Variants in ZNF69 observed in about 807,000 individuals in gnomAD.
ZNF69 encodes the protein ZNF3.
Under a neutral mutation model 50.9 loss-of-function variants are expected in ZNF69, and 47 were observed. That is an observed-to-expected ratio of 0.92 (90% CI 0.73 to 1.18). The LOEUF (loss-of-function observed/expected upper bound fraction) is 1.18. ZNF69 is among the 50% of genes most tolerant of loss of function. ZNF69 has a pLI of 0.00. For missense variants in ZNF69, 717 were observed against 675.1 expected, an observed-to-expected ratio of 1.06 and a Z score of -0.69; for synonymous variants, 216 against 223.1, an observed-to-expected ratio of 0.97 and a Z score of 0.29.
chr19:11,967,956 T>C, the ZNF69 span, among the ~76,000 whole-genome samples: 1 of 152,190 alleles, frequency 6.6e-6, no homozygotes, highest in African/African-American at 2.4e-5. Context: ...AAAACATAAC[T>C]ATAATTATCT....
chr19:11,897,729 G>T (rs958494842), intron 1 of ZNF69, among the ~76,000 whole-genome samples: 8 of 150,768 alleles, frequency 5.3e-5, no homozygotes, highest in Admixed American at 2.6e-4. Flanking sequence ...AAAATTAGCC[G>T]AGCGTGGTGG....
chr19:11,946,956 C>G, the ZNF69 span: 96 of 870,878 alleles, frequency 1.1e-4, no homozygotes, highest in Non-Finnish European at 1.5e-4. Flanking sequence ...CCATTGTACT[C>G]CAGCCTGGGC....
At chr19:11,954,995 A>ATTT in the ZNF69 span, among the ~76,000 whole-genome samples, 8 of 146,178 alleles carry the variant, frequency 5.5e-5, no homozygotes, top group East Asian at 2.0e-4. Context: ...GTTTCAAAAA[A>ATTT]ATTTTTTTTT....
chr19:11,910,501 C>A (rs1972442118), downstream of ZNF69, among the ~76,000 whole-genome samples: 1 of 152,120 alleles, frequency 6.6e-6, no homozygotes. Flanking sequence ...GAATAGAGCC[C>A]TCAGAAATAA....
At chr19:11,891,821 A>G (rs1977095878) in intron 1 of ZNF69, among the ~76,000 whole-genome samples, 1 of 152,032 alleles carries the variant, frequency 6.6e-6, no homozygotes, top group African/African-American at 2.4e-5. Flanking sequence ...ACTGGCAAGG[A>G]GTGTTTCTTG....
At chr19:11,928,105 G>A in the ZNF69 span, among the ~76,000 whole-genome samples, 22 of 151,772 alleles carry the variant, frequency 1.4e-4, no homozygotes, top group African/African-American at 5.1e-4. Context: ...AAGCACCTCC[G>A]CCTCTCAAGT....
chr19:11,905,869 A>T lies in ZNF69; in HGVS notation c.1472A>T (p.Lys491Ile). Residue 491 changes from lysine (K) to isoleucine (I), a missense_variant, in exon 4 of 4, where the codon AAA (lysine) becomes ATA (isoleucine). Lys to Ile is a moderately radical substitution (Grantham distance 102). Coordinates refer to ENST00000429654, the MANE Select transcript of ZNF69 (RefSeq NM_001364730.1). ...TGTGGGAAAGGCTTTTATTGTCCCA[A>T]ATCATTGCAAAGACATGAAAAAACT... ...KLCGKGFYCP[K>I]SLQRHEKTHT... The T allele has an allele frequency of 6.2e-7, 1 of 1,613,726 alleles. No individual in the cohort carries two copies. The highest frequency in any genetic ancestry group is 8.5e-7 in the Non-Finnish European group (1 of 1,179,952).
At chr19:11,968,748 G>A in the ZNF69 span, among the ~76,000 whole-genome samples, 1 of 152,140 alleles carries the variant, frequency 6.6e-6, no homozygotes, top group Admixed American at 6.5e-5. Context: ...GGCCTGGCGG[G>A]ATGGCTCACA....
the ZNF69 span, among the ~76,000 whole-genome samples, chr19:11,942,306 A>G: frequency 8.6e-5 from 13 of 151,928 alleles, no homozygotes; most frequent in South Asian, 2.7e-3. Context: ...CACTTTGGGA[A>G]CAGGCATTTT....
At chr19:11,925,953 G>A in the ZNF69 span, among the ~76,000 whole-genome samples, 1 of 152,194 alleles carries the variant, frequency 6.6e-6, no homozygotes, top group African/African-American at 2.4e-5. Flanking sequence ...TGCCTGAAAG[G>A]TGTAAGTTCC....
At chr19:11,893,305 C>T (rs1977141217) in intron 1 of ZNF69, among the ~76,000 whole-genome samples, 2 of 152,186 alleles carry the variant, frequency 1.3e-5, no homozygotes, top group South Asian at 4.1e-4. Context: ...AGTTCGGTCT[C>T]ATTGTTTTTT....
chr19:11,931,735 T>G, the ZNF69 span, among the ~76,000 whole-genome samples: 3 of 148,784 alleles, frequency 2.0e-5, no homozygotes, highest in African/African-American at 7.8e-5. Context: ...TATTGCATTT[T>G]ATACTGATGT....
the ZNF69 span, among the ~76,000 whole-genome samples, chr19:11,934,837 C>T: frequency 4.1e-5 from 6 of 147,502 alleles, no homozygotes; most frequent in Non-Finnish European, 5.9e-5. Context: ...GTTTTCATTT[C>T]GCTCTTTAAT....
chr19:11,892,808 A>C (rs1057426388), intron 1 of ZNF69, among the ~76,000 whole-genome samples: 11 of 152,120 alleles, frequency 7.2e-5, no homozygotes, highest in Admixed American at 5.9e-4. Context: ...ATAGAGATCC[A>C]CCAGCTTAAA....
downstream of ZNF69, among the ~76,000 whole-genome samples, chr19:11,918,761 G>GTT (rs1008133215): frequency 1.3e-5 from 2 of 148,580 alleles, no homozygotes; most frequent in African/African-American, 2.5e-5. Flanking sequence ...AGCAATTAGG[G>GTT]TTTTTTTTTT....
At chr19:11,945,220 C>T in the ZNF69 span, among the ~76,000 whole-genome samples, 2 of 152,200 alleles carry the variant, frequency 1.3e-5, no homozygotes, top group East Asian at 3.9e-4. Flanking sequence ...AAAAGGTTCC[C>T]AGCACCCCTC....
chr19:11,964,533 C>T, the ZNF69 span, among the ~76,000 whole-genome samples: 1 of 152,302 alleles, frequency 6.6e-6, no homozygotes, highest in Admixed American at 6.5e-5. Context: ...GATCTGGAAG[C>T]AGGGAGCATT....
chr19:11,912,402 A>G (rs559529290), intron 4 of ZNF69, among the ~76,000 whole-genome samples: 1 of 152,230 alleles, frequency 6.6e-6, no homozygotes, highest in Non-Finnish European at 1.5e-5. Context: ...CAGCTTGCCT[A>G]CTTCCTTTCA....
chr19:11,967,699 G>A, the ZNF69 span, among the ~76,000 whole-genome samples: 15 of 151,884 alleles, frequency 9.9e-5, no homozygotes, highest in Non-Finnish European at 1.5e-4. Context: ...CACCATGTCC[G>A]GCCCCTGTCT....
Sources: allele counts gnomAD v4.1 joint callset (sites outside exome capture counted in the v4.1 genomes callset), GRCh38; gene constraint gnomAD v4.1.1; transcripts MANE v1.5; gene names NCBI Gene and HGNC (gene_info 2026-07-23, HGNC 2026-07-21).